RAD54L2: variants seen among roughly 807,000 people sequenced by gnomAD.
The protein encoded by RAD54L2 is helicase ARIP4.
Under a neutral mutation model 138.4 loss-of-function variants are expected in RAD54L2, and 27 were observed. The ratio of observed to expected loss-of-function variants is 0.20; its 90% CI spans 0.14 to 0.27. The LOEUF is 0.27. Among genes scored for constraint, RAD54L2 ranks in the 10% least tolerant of loss-of-function variants. RAD54L2 has a pLI of 1.00. For missense variants in RAD54L2, 1,396 were observed against 1,890.2 expected (o/e 0.74, Z 4.85); for synonymous variants, 644 against 723.2 (o/e 0.89, Z 1.76).
At chr3:51,555,442 G>A (rs946000349) in intron 2 of RAD54L2, among the ~76,000 whole-genome samples, 9 of 151,524 alleles carry the variant, frequency 5.9e-5, no homozygotes, top group Non-Finnish European at 1.2e-4. Context: ...GTGAAACCCT[G>A]TCTCTACAAA....
rs1184003976 is a variant in RAD54L2, at chr3:51,639,580, G to A, written c.2022G>A (p.Ser674=). The A allele has an allele frequency of 5.0e-6, 8 of 1,613,856 alleles. No individual in the cohort carries two copies. Among genetic ancestry groups the A allele is most frequent in the East Asian group, 2.2e-5 (1 of 44,888 alleles). Residue 674 remains serine (S), a synonymous_variant, in exon 13 of 23, where the codon TCG becomes TCA. Coordinates refer to ENST00000684192, the MANE Select transcript of RAD54L2 (RefSeq NM_015106.4). ...GAGAGGATAGCACCTTGGCTTCCTC[G>A]ATGGGAGAGGCAACCAATAGCAAGT... ...GKGEDSTLAS[S]MGEATNSKFL...
At position 51,662,464 on chromosome 3, in the gene RAD54L2, A is replaced by C; in HGVS notation, c.3448A>C (p.Arg1150=). The change falls in exon 23 of 23, where the codon AGA becomes CGA. Residue 1150 remains arginine, a synonymous_variant. Coordinates refer to ENST00000684192, the MANE Select transcript of RAD54L2 (RefSeq NM_015106.4). This position sits in a 1 kb window ranked among gnomAD's most constrained non-coding sequence, Gnocchi z 4.6. ...TTCTTGCGAGTCCACAAGCAACGGC[A>C]GACACAGTGCCTCATCACCCAAAGC... The part of the protein sequence containing the change: ...GPSCESTSNG[R]HSASSPKAPD... 1 of 1,562,320 alleles carries C rather than the reference A, an allele frequency of 6.4e-7. No individual in the cohort carries two copies. Among genetic ancestry groups the C allele is most frequent in the South Asian group, 1.2e-5 (1 of 83,448 alleles).
At chr3:51,598,171 G>GTATATATATATATATA (rs1211624309) in intron 3 of RAD54L2, among the ~76,000 whole-genome samples, 1 of 144,942 alleles carries the variant, frequency 6.9e-6, no homozygotes, top group African/African-American at 2.5e-5. Context: ...GTGTGTGTGT[G>GTATATATATATATATA]TGTGTGTATA....
rs139803559 is a variant in RAD54L2, at chr3:51,645,624, A to G, written c.2690A>G (p.Asn897Ser). The G allele has an allele frequency of 3.1e-6, 5 of 1,612,422 alleles. No individual in the cohort carries two copies. The African/African-American group carries it at 5.3e-5, about 17-fold the overall frequency. ...RVVDDLNPML[N>S]FTRKEVENLL... ...GTGGATGATCTAAATCCAATGCTGAACTTCACACGGAAAGAGGTGGAAAAC... is the reference window on the plus strand; with the variant it reads ...GTGGATGATCTAAATCCAATGCTGAGCTTCACACGGAAAGAGGTGGAAAAC... The change falls in exon 18 of 23, where the codon AAC becomes AGC. Residue 897 changes from asparagine to serine, a missense_variant. Around this residue, in one of 7 missense-constraint regions of RAD54L2, gnomAD observed 78 missense variants for 171.6 expected, o/e 0.45. Coordinates refer to ENST00000684192, the MANE Select transcript of RAD54L2 (RefSeq NM_015106.4). The surrounding 1 kb of genome is among the most constrained non-coding windows in gnomAD (Gnocchi z 6.1).
intron 2 of RAD54L2, among the ~76,000 whole-genome samples, chr3:51,573,316 C>T (rs750674583): frequency 6.6e-6 from 1 of 151,980 alleles, no homozygotes; most frequent in Non-Finnish European, 1.5e-5. Flanking sequence ...AGAGACTCAC[C>T]CCTTTAGAAG....
intron 2 of RAD54L2, among the ~76,000 whole-genome samples, chr3:51,578,297 C>T (rs1699526535): frequency 6.6e-6 from 1 of 152,142 alleles, no homozygotes; most frequent in Non-Finnish European, 1.5e-5. Flanking sequence ...CATTCTGATC[C>T]TGACTTCCTC....
chr3:51,625,116 A>G (rs1460661491), intron 3 of RAD54L2, among the ~76,000 whole-genome samples: 2 of 152,058 alleles, frequency 1.3e-5, no homozygotes, highest in Non-Finnish European at 2.9e-5. Flanking sequence ...CATAGAAAAA[A>G]AGTTGAATAA....
In RAD54L2 at chr3:51,662,727, G is replaced by T; in HGVS notation, c.3711G>T (p.Val1237=). The change falls in exon 23 of 23, where the codon GTG becomes GTT. Residue 1237 remains valine (V), a synonymous_variant. Transcript: ENST00000684192. This position sits in a 1 kb window ranked among gnomAD's most constrained non-coding sequence, Gnocchi z 4.6. ...GGHCLNSSLL[V]TGQPCGDRHP... is the part of the protein sequence containing the mutation. ...ATTGCCTCAATAGTTCCCTCTTGGT[G>T]ACTGGCCAGCCCTGTGGTGACAGGC... The T allele has an allele frequency of 6.2e-7, 1 of 1,613,760 alleles. No individual in the cohort carries two copies.
At chr3:51,557,391 A>G (rs1698997315) in intron 2 of RAD54L2, among the ~76,000 whole-genome samples, 1 of 151,618 alleles carries the variant, frequency 6.6e-6, no homozygotes, top group Non-Finnish European at 1.5e-5. Flanking sequence ...CACATTGCCC[A>G]GGCTGGTCTC....
chr3:51,660,440 C>T (rs899502077), intron 22 of RAD54L2, among the ~76,000 whole-genome samples: 1 of 151,544 alleles, frequency 6.6e-6, no homozygotes, highest in Non-Finnish European at 1.5e-5. Context: ...TCCCGAGTAG[C>T]TGAGACTACA....
intron 19 of RAD54L2, among the ~76,000 whole-genome samples, chr3:51,651,694 T>C (rs560274804): frequency 1.5e-4 from 23 of 152,338 alleles, no homozygotes; most frequent in African/African-American, 5.5e-4. Flanking sequence ...ACCACATGAT[T>C]ATCTCAATAG....
At chr3:51,613,479 G>A (rs1700378670) in intron 3 of RAD54L2, among the ~76,000 whole-genome samples, 1 of 152,076 alleles carries the variant, frequency 6.6e-6, no homozygotes, top group Non-Finnish European at 1.5e-5. Flanking sequence ...TGGTTAAAAA[G>A]GCATGTAGGC....
rs1553670661 is a variant in RAD54L2, at chr3:51,538,884, G to A, written c.-148G>A. Among the ~76,000 whole-genome samples the A allele has an allele frequency of 1.3e-5, 2 of 152,044 alleles. No homozygotes were observed. The highest frequency in any genetic ancestry group is 2.4e-5 in the African/African-American group (1 of 41,436). On this transcript the variant is annotated 5_prime_UTR_variant, in exon 1 of 23. Transcript: ENST00000684192. The stretch of plus-strand genomic sequence containing the variant: ...ACGTGAGGTCCCTCGGCCCTGCGCG[G>A]TCCGGCGCGGCCCGGAGCCGCGGCG...
chr3:51,601,927 G>A (rs781724096), intron 3 of RAD54L2, among the ~76,000 whole-genome samples: 13 of 151,678 alleles, frequency 8.6e-5, no homozygotes, highest in Non-Finnish European at 1.5e-4. Flanking sequence ...TGCGATCTCG[G>A]CTTACTGCAA....
At chr3:51,657,720 G>A in intron 21 of RAD54L2, 51 bp downstream of exon 21, 1 of 1,301,428 alleles carries the variant, frequency 7.7e-7, no homozygotes, top group Non-Finnish European at 1.1e-6. Flanking sequence ...AGAGTGCTGG[G>A]CTGGGAAGAA....
intron 2 of RAD54L2, among the ~76,000 whole-genome samples, chr3:51,558,853 G>A (rs1245902536): frequency 6.6e-6 from 1 of 152,066 alleles, no homozygotes; most frequent in Non-Finnish European, 1.5e-5. Context: ...GAAATCAACT[G>A]TGTAATAGTA....
At position 51,665,802 on chromosome 3, in the gene RAD54L2, A is replaced by C. The variant is rs1179626716; in HGVS notation, c.*2382A>C. On this transcript the variant is annotated 3_prime_UTR_variant, in exon 23 of 23. Coordinates refer to ENST00000684192, the MANE Select transcript of RAD54L2 (RefSeq NM_015106.4). ...TGGGATCCCAGAGATGCATGTGTGC[A>C]TGTGTATGTCTGTGTGTGTGTGTTG... is the stretch of plus-strand genomic sequence containing the variant. 1 of 152,218 alleles carries C rather than the reference A, an allele frequency of 6.6e-6. No individual in the cohort carries two copies. The highest frequency in any genetic ancestry group is 6.5e-5 in the Admixed American group (1 of 15,296). The allele number at this position is 152,218 out of a possible 1,614,324, so 9.4% of individuals were successfully genotyped here. A position where few individuals can be genotyped will look rare whatever the true frequency, so the allele number is the denominator to read the frequency against.
At chr3:51,574,639 G>A (rs972684871) in intron 2 of RAD54L2, among the ~76,000 whole-genome samples, 1 of 152,172 alleles carries the variant, frequency 6.6e-6, no homozygotes, top group Non-Finnish European at 1.5e-5. Flanking sequence ...CTGCATAAAT[G>A]TCTTCTTTTG....
chr3:51,560,446 G>A (rs563824442), intron 2 of RAD54L2, among the ~76,000 whole-genome samples: 8 of 149,006 alleles, frequency 5.4e-5, no homozygotes, highest in Non-Finnish European at 8.9e-5. Context: ...TACAAGCTCC[G>A]CCTCCTGGGA....
Sources: gnomAD v4.1 joint callset for allele counts (sites outside exome capture counted in the v4.1 genomes callset) on GRCh38, gnomAD v4.1.1 for gene constraint, gnomAD v4.1.1 regional missense constraint, Gnocchi (gnomAD v3.1) non-coding constraint, MANE v1.5 for transcripts, NCBI Gene and HGNC (gene_info 2026-07-23, HGNC 2026-07-21) for gene names.